The following NPHP3 variants were observed in gnomAD, a reference collection of about 807,000 sequenced individuals.
NPHP3 encodes the protein nephrocystin-3.
In NPHP3, 123 loss-of-function variants were observed where a neutral mutation model predicts 171.9. That is an observed-to-expected ratio of 0.72 (90% CI 0.62 to 0.83). The LOEUF is 0.83. NPHP3 is among the 40% of genes least tolerant of loss of function. The pLI is 0.00. For synonymous variants in NPHP3, 558 were observed against 579.2 expected (o/e 0.96, Z 0.52); for missense variants, 1,506 against 1,591.9 (o/e 0.95, Z 0.92).
chr3:132,687,249 T>A, intron 21 of NPHP3, 23 bp from the exon 22 acceptor site: 1 of 1,039,638 alleles, frequency 9.6e-7, no homozygotes, highest in Middle Eastern at 2.0e-4. Context: ...TTACAGTAAG[T>A]CAAACAAAAG....
intron 26 of NPHP3, 56 bp downstream of exon 26, chr3:132,682,647 G>T: frequency 9.6e-7 from 1 of 1,046,714 alleles, no homozygotes; most frequent in Non-Finnish European, 1.5e-6. Context: ...GCTATTCTAA[G>T]ACAAAGCTAC....
At chr3:132,695,903 C>T (rs941872128) in intron 15 of NPHP3, among the ~76,000 whole-genome samples, 1 of 152,142 alleles carries the variant, frequency 6.6e-6, no homozygotes, top group Admixed American at 6.5e-5. Context: ...CTCTGCTCTC[C>T]AGCCTGGGCA....
chr3:132,689,857 T>C (rs553102692), intron 19 of NPHP3, among the ~76,000 whole-genome samples: 1 of 152,242 alleles, frequency 6.6e-6, no homozygotes, highest in Non-Finnish European at 1.5e-5. Context: ...AAAATTGGAA[T>C]GGAGATCAGA....
In NPHP3 at chr3:132,695,749, C is replaced by T. The variant is rs112724307; in HGVS notation, c.2172-784G>A. 7.4e-3 allele frequency among the ~76,000 whole-genome samples: 1,119 copies of T among 152,238 alleles called. 11 individuals carry two copies. Among genetic ancestry groups the T allele is most frequent in the African/African-American group, 0.026 (1,086 of 41,526 alleles). ...AGGAGTTCAAGACCAGCCTGGCAATCATGGCAAAACCCCGCTTATACTAAA... is the reference window on the plus strand; with the variant it reads ...AGGAGTTCAAGACCAGCCTGGCAATTATGGCAAAACCCCGCTTATACTAAA... On this transcript the variant is annotated intron_variant, in intron 15 of 26. Transcript: ENST00000337331.
chr3:132,708,090 A>G lies in NPHP3; in HGVS notation c.1275+11T>C. 1 of 1,613,896 alleles carries G rather than the reference A, an allele frequency of 6.2e-7. No homozygotes were observed. Among genetic ancestry groups the G allele is most frequent in the South Asian group, 1.1e-5 (1 of 91,056 alleles). ...CTAAGTGTGTTTTTCAAAAATGCCT[A>G]TGAATTTTACCTTGGCTTTGCTGGT... On this transcript the variant is annotated intron_variant, in intron 7 of 26. Transcript: ENST00000337331.
intron 7 of NPHP3, among the ~76,000 whole-genome samples, chr3:132,707,253 A>G (rs1256760888): frequency 6.6e-6 from 1 of 152,152 alleles, no homozygotes; most frequent in Admixed American, 6.5e-5. Flanking sequence ...TCACTATAAA[A>G]AGTCTCCTCC....
chr3:132,695,273 C>T (rs751425090), intron 15 of NPHP3: 6 of 262,498 alleles, frequency 2.3e-5, no homozygotes, highest in Non-Finnish European at 4.5e-5. Context: ...ATGCCACCTA[C>T]ATACAGGAAG....
rs1054379712 is a variant in NPHP3 at position 132,701,499 on chromosome 3, G to A, written c.1559C>T (p.Pro520Leu). Residue 520 changes from proline to leucine, a missense_variant, in exon 10 of 27, where the codon CCA becomes CTA. Physicochemically the swap from Pro to Leu is moderately conservative, Grantham distance 98. Coordinates refer to ENST00000337331, the MANE Select transcript of NPHP3 (RefSeq NM_153240.5). ...CACGAGAAGAGGTGGAATCGGGGCT[G>A]GTGCTGCCACTAGATCATTAAGGCG... Reference protein sequence around the residue: ...YQRLNDLVAAPAPIPPLLVSG... With the variant: ...YQRLNDLVAALAPIPPLLVSG... 6 of 1,613,458 alleles carry A rather than the reference G, an allele frequency of 3.7e-6. No individual in the cohort carries two copies. Among genetic ancestry groups the A allele is most frequent in the Non-Finnish European group, 3.4e-6 (4 of 1,179,700 alleles).
chr3:132,711,113 C>T (rs182435781), intron 6 of NPHP3, among the ~76,000 whole-genome samples: 44 of 152,274 alleles, frequency 2.9e-4, no homozygotes, highest in Non-Finnish European at 5.9e-4. Context: ...CCAAGCTGCT[C>T]AGGAGAGGCT....
intron 9 of NPHP3, among the ~76,000 whole-genome samples, chr3:132,701,949 C>T (rs1939620749): frequency 1.3e-5 from 2 of 152,136 alleles, no homozygotes; most frequent in Admixed American, 6.5e-5. Flanking sequence ...TGGCGTGAAC[C>T]CGGGAGGTGG....
rs368518275 is a variant in NPHP3, at chr3:132,701,524, G to A, written c.1534C>T (p.Arg512Cys). The change falls in exon 10 of 27, where the codon CGC (arginine) becomes TGC (cysteine). Residue 512 changes from arginine to cysteine, a missense_variant. By Grantham distance (180) the Arg-to-Cys change is radical. Around this residue, in one of 3 missense-constraint regions of NPHP3, gnomAD observed 930 missense variants for 924.9 expected, o/e 1.01. Coordinates refer to ENST00000337331, the MANE Select transcript of NPHP3 (RefSeq NM_153240.5). ...GGTGCTGCCACTAGATCATTAAGGC[G>A]TTGGTAATACTAGAAAAAAAAATGA... is the stretch of plus-strand genomic sequence containing the variant. The part of the protein sequence containing the change: ...HELGFEKYYQ[R>C]LNDLVAAPAP... The A allele has an allele frequency of 2.3e-5, 37 of 1,610,004 alleles. No individual in the cohort carries two copies. The highest frequency in any genetic ancestry group is 9.9e-5 in the South Asian group (9 of 90,990).
At chr3:132,685,304 CAG>C (rs980788445) in intron 23 of NPHP3, 1 of 156,912 alleles carries the variant, frequency 6.4e-6, no homozygotes, top group African/African-American at 2.4e-5. Context: ...TTTGTAGAGA[CAG>C]GGTCTCACTA....
At chr3:132,717,767 T>TC in intron 3 of NPHP3, among the ~76,000 whole-genome samples, 1 of 145,258 alleles carries the variant, frequency 6.9e-6, no homozygotes, top group South Asian at 2.3e-4. Context: ...TTTTTTTTTT[T>TC]TTTTTTTTTT....
At position 132,719,084 on chromosome 3, in the gene NPHP3, C is replaced by T. The variant is rs1940133466; in HGVS notation, c.580G>A (p.Glu194Lys). The T allele has an allele frequency of 6.2e-7, 1 of 1,613,984 alleles. No homozygotes were observed. Among genetic ancestry groups the T allele is most frequent in the South Asian group, 1.1e-5 (1 of 91,080 alleles). ...QDLLRAKREL[E>K]SKLQRLQAQG... The stretch of plus-strand genomic sequence containing the variant: ...GCCTGTAGCCTCTGAAGTTTGCTCT[C>T]CAACTCCCTCTTGGCCCTCAGTAAG... Residue 194 changes from glutamate (E) to lysine (K), a missense_variant, in exon 3 of 27, where the codon GAG becomes AAG. Physicochemically the swap from Glu to Lys is moderately conservative, Grantham distance 56. Coordinates refer to ENST00000337331, the MANE Select transcript of NPHP3 (RefSeq NM_153240.5).
chr3:132,701,634 G>A (rs545538641), intron 9 of NPHP3, 101 bp from the exon 10 acceptor site: 5 of 809,698 alleles, frequency 6.2e-6, no homozygotes, highest in South Asian at 6.0e-5. Flanking sequence ...GAGAAAAGCT[G>A]TGTGAGAAAA....
intron 21 of NPHP3, among the ~76,000 whole-genome samples, chr3:132,687,789 T>C (rs1291131487): frequency 1.3e-5 from 2 of 152,196 alleles, no homozygotes; most frequent in African/African-American, 4.8e-5. Context: ...ATGCCATTCA[T>C]TGGGTGCCTG....
At chr3:132,683,648 T>C in intron 24 of NPHP3, 124 bp from the exon 25 acceptor site, 3 of 699,894 alleles carry the variant, frequency 4.3e-6, no homozygotes, top group Non-Finnish European at 7.2e-6. Context: ...CTCAGAAGCA[T>C]TTCCTATCAG....
chr3:132,716,609 A>G (rs1170540613), intron 4 of NPHP3, 148 bp downstream of exon 4: 1 of 859,522 alleles, frequency 1.2e-6, no homozygotes, highest in Non-Finnish European at 1.9e-6. Flanking sequence ...TGTTAGTTAC[A>G]GCCCCACTGT....
chr3:132,706,082 A>G (rs903629472), intron 7 of NPHP3, among the ~76,000 whole-genome samples: 6 of 152,086 alleles, frequency 3.9e-5, no homozygotes, highest in South Asian at 2.1e-4. Flanking sequence ...GAAGTAGGCC[A>G]GGCGCGGTGG....
Sources: gnomAD v4.1 joint callset for allele counts (sites outside exome capture counted in the v4.1 genomes callset) on GRCh38, gnomAD v4.1.1 for gene constraint, gnomAD v4.1.1 regional missense constraint, MANE v1.5 for transcripts, NCBI Gene and HGNC (gene_info 2026-07-23, HGNC 2026-07-21) for gene names.